Variants in MAN1A2 observed in about 807,000 individuals in gnomAD.
MAN1A2 encodes mannosyl-oligosaccharide 1,2-alpha-mannosidase IB.
A neutral mutation model predicts 75.7 loss-of-function variants in MAN1A2; 26 were observed. The observed-to-expected ratio is 0.34, with a 90% CI of 0.25 to 0.48. The LOEUF is 0.48. MAN1A2 is among the 20% of genes least tolerant of loss of function. MAN1A2 has a pLI of 0.99. For synonymous variants in MAN1A2, 247 were observed against 264.6 expected (o/e 0.93, Z 0.65); for missense variants, 562 against 775.5 (o/e 0.72, Z 3.27).
chr1:117,512,946 C>T (rs764820448), intron 12 of MAN1A2, among the ~76,000 whole-genome samples: 2 of 152,090 alleles, frequency 1.3e-5, no homozygotes, highest in Non-Finnish European at 2.9e-5. Flanking sequence ...TAAGGCTATT[C>T]TTCTCCATCC....
At chr1:117,399,108 A>G (rs1647323588) in intron 1 of MAN1A2, among the ~76,000 whole-genome samples, 1 of 152,104 alleles carries the variant, frequency 6.6e-6, no homozygotes, top group African/African-American at 2.4e-5. Context: ...CTATTGCAGA[A>G]CTTCTCAGGG....
chr1:117,443,143 A>G (rs553333774), intron 6 of MAN1A2, among the ~76,000 whole-genome samples: 2 of 152,202 alleles, frequency 1.3e-5, no homozygotes, highest in Non-Finnish European at 2.9e-5. Context: ...ACCCTTTAGA[A>G]TAAAAGTTAG....
chr1:117,507,447 G>T (rs1651407809), intron 12 of MAN1A2, among the ~76,000 whole-genome samples: 1 of 151,528 alleles, frequency 6.6e-6, no homozygotes, highest in Admixed American at 6.6e-5. Context: ...GTAAGTTTTT[G>T]GAACATATGC....
chr1:117,429,956 A>G (rs1255399988), intron 5 of MAN1A2, among the ~76,000 whole-genome samples: 3 of 54,438 alleles, frequency 5.5e-5, no homozygotes, highest in Non-Finnish European at 1.1e-4. Context: ...CCTCACCTCC[A>G]GACGGGGCGG....
At chr1:117,507,452 A>G (rs1651408011) in intron 12 of MAN1A2, among the ~76,000 whole-genome samples, 1 of 151,724 alleles carries the variant, frequency 6.6e-6, no homozygotes, top group South Asian at 2.1e-4. Flanking sequence ...TTTTTGGAAC[A>G]TATGCTCCAT....
rs1394622973 is a variant in MAN1A2 at position 117,402,370 on chromosome 1, A to C, written c.487A>C (p.Asn163His). ...GCCACTGCCACCAGTCCCTATTCCC[A>C]ACCTTGTAGGAATACGTGGTGGAGA... is the stretch of plus-strand genomic sequence containing the variant. The part of the protein sequence containing the change: ...NKPLPPVPIP[N>H]LVGIRGGDPE... The change falls in exon 2 of 13, where the codon AAC (asparagine) becomes CAC (histidine). Residue 163 changes from asparagine to histidine, a missense_variant. Transcript: ENST00000356554. The C allele has an allele frequency of 6.2e-7, 1 of 1,613,716 alleles. No individual in the cohort carries two copies. Among genetic ancestry groups the C allele is most frequent in the South Asian group, 1.1e-5 (1 of 91,022 alleles).
At chr1:117,437,923 C>T (rs1648896704) in intron 5 of MAN1A2, among the ~76,000 whole-genome samples, 1 of 152,112 alleles carries the variant, frequency 6.6e-6, no homozygotes, top group South Asian at 2.1e-4. Flanking sequence ...TTAATTTATT[C>T]AACACTTGTT....
At chr1:117,519,823 A>G (rs1428340731) in intron 12 of MAN1A2, among the ~76,000 whole-genome samples, 2 of 152,086 alleles carry the variant, frequency 1.3e-5, no homozygotes, top group African/African-American at 2.4e-5. Context: ...TCCCTAATTC[A>G]TTCTATGAAG....
chr1:117,506,972 C>T (rs2101886103), intron 12 of MAN1A2, among the ~76,000 whole-genome samples: 2 of 151,676 alleles, frequency 1.3e-5, no homozygotes, highest in Middle Eastern at 6.8e-3. Flanking sequence ...TAGTGCCTTA[C>T]TTTTAAATAT....
intron 8 of MAN1A2, among the ~76,000 whole-genome samples, chr1:117,492,566 G>T (rs934484686): frequency 2.0e-5 from 3 of 152,026 alleles, no homozygotes; most frequent in African/African-American, 7.2e-5. Flanking sequence ...AGGTATGCCT[G>T]TGTGTACTAA....
At chr1:117,371,592 G>A (rs1652966991) in intron 1 of MAN1A2, among the ~76,000 whole-genome samples, 1 of 152,088 alleles carries the variant, frequency 6.6e-6, no homozygotes, top group Non-Finnish European at 1.5e-5. Context: ...CAAAGCAGAA[G>A]ACACAACATG....
intron 12 of MAN1A2, among the ~76,000 whole-genome samples, chr1:117,509,819 A>G (rs1291260913): frequency 1.7e-5 from 2 of 114,842 alleles, no homozygotes; most frequent in South Asian, 2.3e-4. Flanking sequence ...GAAATGACAA[A>G]AAAAAAAAAT....
At chr1:117,517,778 TA>T (rs1469335145) in intron 12 of MAN1A2, among the ~76,000 whole-genome samples, 2 of 151,876 alleles carry the variant, frequency 1.3e-5, no homozygotes, top group African/African-American at 4.8e-5. Flanking sequence ...TGATGTAAAC[TA>T]TTTACCCACA....
intron 1 of MAN1A2, among the ~76,000 whole-genome samples, chr1:117,389,512 C>T (rs1326064572): frequency 1.3e-5 from 2 of 152,164 alleles, no homozygotes; most frequent in Non-Finnish European, 2.9e-5. Flanking sequence ...CTCCTGCTTG[C>T]CAGCCGAGTT....
chr1:117,370,004 T>C (rs1217296850), intron 1 of MAN1A2, among the ~76,000 whole-genome samples: 1 of 152,168 alleles, frequency 6.6e-6, no homozygotes, highest in Non-Finnish European at 1.5e-5. Context: ...GGTCTAAAAG[T>C]TTAAAATAAT....
At chr1:117,458,484 A>AATATATAT (rs10569118) in intron 6 of MAN1A2, among the ~76,000 whole-genome samples, 10 of 104,780 alleles carry the variant, frequency 9.5e-5, no homozygotes, top group East Asian at 4.3e-4. Context: ...TAAGATGAGA[A>AATATATAT]ATATATATAT....
chr1:117,458,523 A>ATTTTTTTTTTTTTTTTTTTTTTTT (rs5777311), intron 6 of MAN1A2, among the ~76,000 whole-genome samples: 1 of 105,612 alleles, frequency 9.5e-6, no homozygotes, highest in Non-Finnish European at 2.0e-5. Context: ...ATATATATAT[A>ATTTTTTTTTTTTTTTTTTTTTTTT]TTTTTTTTTT....
intron 1 of MAN1A2, among the ~76,000 whole-genome samples, chr1:117,395,274 ATCTC>A (rs918563804): frequency 1.3e-5 from 2 of 152,246 alleles, no homozygotes; most frequent in African/African-American, 4.8e-5. Flanking sequence ...AATAAAATTT[ATCTC>A]TCTCAGTATT....
At chr1:117,383,320 G>A (rs1401903850) in intron 1 of MAN1A2, among the ~76,000 whole-genome samples, 1 of 152,114 alleles carries the variant, frequency 6.6e-6, no homozygotes, top group African/African-American at 2.4e-5. Context: ...AAGTCTACCT[G>A]CCTATGCCTG....
Sources: allele counts gnomAD v4.1 joint callset (sites outside exome capture counted in the v4.1 genomes callset), GRCh38; gene constraint gnomAD v4.1.1; transcripts MANE v1.5; gene names NCBI Gene and HGNC (gene_info 2026-07-23, HGNC 2026-07-21).